Variants in ARHGAP29 observed in about 807,000 individuals in gnomAD.
ARHGAP29 encodes the protein rho GTPase-activating protein 29.
Under a neutral mutation model 122.6 loss-of-function variants are expected in ARHGAP29, and 43 were observed. The ratio of observed to expected loss-of-function variants is 0.35; its 90% CI spans 0.27 to 0.45. The LOEUF (loss-of-function observed/expected upper bound fraction) is 0.45. Among genes scored for constraint, ARHGAP29 ranks in the 20% least tolerant of loss-of-function variants. The pLI, the probability that ARHGAP29 is intolerant of heterozygous loss-of-function variation, is 1.00. For synonymous variants in ARHGAP29, 506 were observed against 497.1 expected, an observed-to-expected ratio of 1.02 and a Z score of -0.24; for missense variants, 1,303 against 1,477.2, an observed-to-expected ratio of 0.88 and a Z score of 1.93.
chr1:94,197,757 T>C (rs1330684609), intron 12 of ARHGAP29, among the ~76,000 whole-genome samples: 4 of 152,216 alleles, frequency 2.6e-5, no homozygotes, highest in African/African-American at 9.6e-5. Context: ...AAACCACATG[T>C]ATCAAATAAT....
intron 12 of ARHGAP29, chr1:94,191,222 A>C (rs1426721097): frequency 6.6e-6 from 1 of 152,168 alleles, no homozygotes; most frequent in African/African-American, 2.4e-5. Flanking sequence ...ATTTTACACA[A>C]AGCTGTAACA....
chr1:94,291,918 C>A, the ARHGAP29 span, among the ~76,000 whole-genome samples: 1 of 152,150 alleles, frequency 6.6e-6, no homozygotes, highest in Non-Finnish European at 1.5e-5. Flanking sequence ...GTGAATCTGA[C>A]AATTTTGTGT....
intron 1 of ARHGAP29, among the ~76,000 whole-genome samples, chr1:94,232,562 T>C (rs1440290096): frequency 6.6e-6 from 1 of 152,206 alleles, no homozygotes; most frequent in Non-Finnish European, 1.5e-5. Flanking sequence ...AGAATTTAGA[T>C]TTGAATCCTG....
Position 94,174,079 on chromosome 1 carries a change from A to G in ARHGAP29, c.3576T>C (p.Pro1192=). 1 of 1,614,192 alleles carries G rather than the reference A, an allele frequency of 6.2e-7. No homozygotes were observed. Among genetic ancestry groups the G allele is most frequent in the Non-Finnish European group, 8.5e-7 (1 of 1,180,034 alleles). The change falls in exon 23 of 23, where the codon CCT becomes CCC. Residue 1192 remains proline (P), a synonymous_variant. Transcript: ENST00000260526. ...GACCGTGGGGATCGTGATCTGTGCC[A>G]GGAGGCACTGCTGCTGAGGGTGAAG... ...KPASPSAAVP[P]GTDHDPHGLV... is the part of the protein sequence containing the mutation.
chr1:94,199,455 G>A (rs1223179211), intron 12 of ARHGAP29, among the ~76,000 whole-genome samples: 1 of 152,188 alleles, frequency 6.6e-6, no homozygotes, highest in Non-Finnish European at 1.5e-5. Context: ...TAAAAAGCAT[G>A]CTGGCCAATG....
At chr1:94,193,395 A>G (rs977083258) in intron 12 of ARHGAP29, 2 of 152,028 alleles carry the variant, frequency 1.3e-5, no homozygotes, top group Non-Finnish European at 2.9e-5. Flanking sequence ...TGAAGAAACA[A>G]TAGTTGAAAA....
intron 2 of ARHGAP29, among the ~76,000 whole-genome samples, chr1:94,223,101 A>G (rs990438118): frequency 1.6e-4 from 25 of 151,828 alleles, no homozygotes; most frequent in Non-Finnish European, 3.4e-4. Context: ...CCGCCACCAC[A>G]CCCAGCTAAT....
upstream of ARHGAP29, among the ~76,000 whole-genome samples, chr1:94,240,211 T>C (rs1653525583): frequency 6.6e-6 from 1 of 152,218 alleles, no homozygotes; most frequent in South Asian, 2.1e-4. Flanking sequence ...TATTTGGGAA[T>C]CGAGGAATGT....
rs569199525 is a variant in ARHGAP29, at chr1:94,169,536, G to A, written c.*4333C>T. Among the ~76,000 whole-genome samples the A allele has an allele frequency of 6.6e-6, 1 of 152,156 alleles. No individual in the cohort carries two copies. The highest frequency in any genetic ancestry group is 1.5e-5 in the Non-Finnish European group (1 of 68,022). ...AAAGGGAGACTAGATTAACCTCAAAGGATTGAATTGAAGGTGTCAATGTGA... is the reference window on the plus strand; with the variant it reads ...AAAGGGAGACTAGATTAACCTCAAAAGATTGAATTGAAGGTGTCAATGTGA... On this transcript the variant is annotated 3_prime_UTR_variant, in exon 23 of 23. Coordinates refer to ENST00000260526, the MANE Select transcript of ARHGAP29 (RefSeq NM_004815.4).
the ARHGAP29 span, among the ~76,000 whole-genome samples, chr1:94,313,435 C>G: frequency 6.6e-6 from 1 of 152,168 alleles, no homozygotes; most frequent in South Asian, 2.1e-4. Flanking sequence ...GTATCTCCCC[C>G]CATCTCATGC....
chr1:94,175,952 C>G (rs1649065823), intron 22 of ARHGAP29, among the ~76,000 whole-genome samples: 1 of 152,116 alleles, frequency 6.6e-6, no homozygotes, highest in African/African-American at 2.4e-5. Flanking sequence ...ATCCGCACAC[C>G]TCAGACTCCC....
At chr1:94,216,571 A>C (rs1651967892) in intron 3 of ARHGAP29, among the ~76,000 whole-genome samples, 1 of 152,214 alleles carries the variant, frequency 6.6e-6, no homozygotes, top group Non-Finnish European at 1.5e-5. Context: ...TACCATTTGG[A>C]TTCTGTGTGA....
the ARHGAP29 span, chr1:94,302,102 CT>C: frequency 3.6e-6 from 1 of 278,590 alleles, no homozygotes; most frequent in South Asian, 4.6e-5. Context: ...ACCACGGCTG[CT>C]TTTAACTCTG....
intron 2 of ARHGAP29, among the ~76,000 whole-genome samples, chr1:94,221,850 T>G (rs1652311901): frequency 6.6e-6 from 1 of 151,846 alleles, no homozygotes; most frequent in Non-Finnish European, 1.5e-5. Flanking sequence ...TCTTGGTTTC[T>G]AATACTATTC....
rs1455337423 is a variant in ARHGAP29, at chr1:94,177,883, G to A, written c.2765C>T (p.Ser922Phe). Residue 922 changes from serine (S) to phenylalanine (F), a missense_variant, in exon 21 of 23, where the codon TCC becomes TTC. By Grantham distance (155) the Ser-to-Phe change is radical. Coordinates refer to ENST00000260526, the MANE Select transcript of ARHGAP29 (RefSeq NM_004815.4). ...LSPEERDIER[S>F]MKSLFFSSKE... is the part of the protein sequence containing the mutation. ...TGAAGAAAAAAATAGTGACTTCATG[G>A]AACGTTCAATGTCTCTTTCTTCTGG... 6.2e-7 allele frequency: 1 copy of A among 1,613,090 alleles called. No homozygotes were observed. The highest frequency in any genetic ancestry group is 2.2e-5 in the East Asian group (1 of 44,894).
chr1:94,178,254 G>A, intron 20 of ARHGAP29, 87 bp from the exon 21 acceptor site: 2 of 1,314,188 alleles, frequency 1.5e-6, no homozygotes, highest in African/African-American at 1.5e-5. Context: ...GAGGGTGGAG[G>A]GAAAATGAGC....
chr1:94,291,227 A>T, the ARHGAP29 span, among the ~76,000 whole-genome samples: 1 of 152,080 alleles, frequency 6.6e-6, no homozygotes, highest in Admixed American at 6.5e-5. Flanking sequence ...TTTATCAGAG[A>T]CCAGGATTGC....
intron 3 of ARHGAP29, 74 bp downstream of exon 3, chr1:94,220,184 T>C: frequency 3.2e-6 from 5 of 1,547,216 alleles, no homozygotes; most frequent in Non-Finnish European, 4.4e-6. Context: ...TGGCTATATA[T>C]TCACTATAGA....
At chr1:94,201,452 C>A (rs1405158562) in intron 12 of ARHGAP29, among the ~76,000 whole-genome samples, 1 of 151,350 alleles carries the variant, frequency 6.6e-6, no homozygotes, top group Non-Finnish European at 1.5e-5. Flanking sequence ...CTTTTCCCTC[C>A]CTCCCTTCCT....
Sources: allele counts gnomAD v4.1 joint callset (sites outside exome capture counted in the v4.1 genomes callset), GRCh38; gene constraint gnomAD v4.1.1; transcripts MANE v1.5; gene names NCBI Gene and HGNC (gene_info 2026-07-23, HGNC 2026-07-21).